Variants in RXFP2 observed in about 807,000 individuals in gnomAD.
RXFP2 encodes the protein relaxin receptor 2.
A neutral mutation model predicts 88.6 loss-of-function variants in RXFP2; 68 were observed. That is an observed-to-expected ratio of 0.77 (90% CI 0.63 to 0.94). RXFP2 has a LOEUF of 0.94. Among genes scored for constraint, RXFP2 ranks in the 40% least tolerant of loss-of-function variants. The pLI is 0.00. For synonymous variants in RXFP2, 329 were observed against 306.8 expected, an observed-to-expected ratio of 1.07 and a Z score of -0.76; for missense variants, 791 against 893.9, an observed-to-expected ratio of 0.88 and a Z score of 1.47.
chr13:31,757,599 A>G (rs1232467996), intron 1 of RXFP2, among the ~76,000 whole-genome samples: 1 of 152,220 alleles, frequency 6.6e-6, no homozygotes, highest in African/African-American at 2.4e-5. Context: ...AAGATTAATA[A>G]GTAAATACAT....
intron 2 of RXFP2, 29 bp downstream of exon 2, chr13:31,758,433 T>C: frequency 6.2e-7 from 1 of 1,613,456 alleles, no homozygotes; most frequent in East Asian, 2.2e-5. Context: ...TCCCCATGTG[T>C]GCCTCACTTT....
In RXFP2 at chr13:31,782,671, T is replaced by C. The variant is rs1245731644; in HGVS notation, c.858-5T>C. 1 of 1,608,784 alleles carries C rather than the reference T, an allele frequency of 6.2e-7. No individual in the cohort carries two copies. ...CCACATGCTGATTCTCGCCATGTCT[T>C]ACAGGTTTCTGCCTAGAAATCAAAT... On this transcript the variant is annotated splice_polypyrimidine_tract_variant and splice_region_variant and intron_variant, in intron 10 of 17. Transcript: ENST00000298386.
At chr13:31,797,034 A>T (rs1442971435) in intron 16 of RXFP2, among the ~76,000 whole-genome samples, 167 bp from the exon 17 acceptor site, 1 of 152,246 alleles carries the variant, frequency 6.6e-6, no homozygotes, top group Non-Finnish European at 1.5e-5. Flanking sequence ...TAGACTTGGG[A>T]ACCATTTCCA....
chr13:31,783,348 T>C (rs1450545465), intron 11 of RXFP2, among the ~76,000 whole-genome samples: 4 of 152,198 alleles, frequency 2.6e-5, no homozygotes, highest in Non-Finnish European at 4.4e-5. Flanking sequence ...CCCCACATAA[T>C]TGTGTATCAG....
chr13:31,744,871 T>C (rs1372256163), intron 1 of RXFP2, among the ~76,000 whole-genome samples: 1 of 152,162 alleles, frequency 6.6e-6, no homozygotes, highest in East Asian at 1.9e-4. Context: ...TTTAAAATAG[T>C]CTTTAAAGCT....
At chr13:31,774,329 T>G (rs905790043) in intron 5 of RXFP2, among the ~76,000 whole-genome samples, 38 of 152,292 alleles carry the variant, frequency 2.5e-4, no homozygotes, top group South Asian at 2.1e-3. Context: ...AACAGGACGG[T>G]CACCATAGTG....
At chr13:31,776,199 TTC>T (rs1872968083) in intron 7 of RXFP2, among the ~76,000 whole-genome samples, 1 of 150,096 alleles carries the variant, frequency 6.7e-6, no homozygotes, top group African/African-American at 2.4e-5. Context: ...TCTTTCTTTT[TTC>T]TTTCTTTCTT....
intron 5 of RXFP2, among the ~76,000 whole-genome samples, chr13:31,770,052 T>A (rs1872680834): frequency 6.6e-6 from 1 of 152,214 alleles, no homozygotes; most frequent in Non-Finnish European, 1.5e-5. Flanking sequence ...CATAAAAAAT[T>A]ATAAAACTGC....
intron 15 of RXFP2, 117 bp downstream of exon 15, chr13:31,792,152 G>T (rs1407213422): frequency 1.3e-6 from 1 of 781,108 alleles, no homozygotes; most frequent in East Asian, 2.7e-5. Context: ...TATACATCCT[G>T]GGCACATTTT....
chr13:31,796,721 T>C (rs941370360), intron 16 of RXFP2, among the ~76,000 whole-genome samples: 5 of 152,236 alleles, frequency 3.3e-5, no homozygotes, highest in Admixed American at 2.6e-4. Context: ...CTAACACCAC[T>C]GGGCTTATAT....
At chr13:31,782,181 T>C (rs1426292412) in intron 10 of RXFP2, among the ~76,000 whole-genome samples, 1 of 152,232 alleles carries the variant, frequency 6.6e-6, no homozygotes, top group African/African-American at 2.4e-5. Context: ...TGCATTCTGA[T>C]TGGCCAAAGA....
chr13:31,747,615 G>C (rs1252562531), intron 1 of RXFP2, among the ~76,000 whole-genome samples: 2 of 152,136 alleles, frequency 1.3e-5, no homozygotes, highest in African/African-American at 4.8e-5. Flanking sequence ...ATTAAGTTCA[G>C]ACAACAATTT....
chr13:31,772,416 A>T (rs1485083124), intron 5 of RXFP2, among the ~76,000 whole-genome samples: 1 of 152,212 alleles, frequency 6.6e-6, no homozygotes, highest in Non-Finnish European at 1.5e-5. Context: ...TTTCTGCTTG[A>T]AAAGTCCTGA....
chr13:31,797,590 C>T (rs114763436), intron 17 of RXFP2, among the ~76,000 whole-genome samples, 171 bp downstream of exon 17: 122 of 152,290 alleles, frequency 8.0e-4, no homozygotes, highest in African/African-American at 2.6e-3. Flanking sequence ...AGTAGTGGTG[C>T]AATCCAACCA....
intron 11 of RXFP2, among the ~76,000 whole-genome samples, chr13:31,783,983 A>ATTTT (rs10686799): frequency 0.13 from 15,431 of 121,416 alleles, 1,215 homozygotes; most frequent in East Asian, 0.24. Context: ...TGCCTGGCTA[A>ATTTT]TTTTTTTTTT....
intron 7 of RXFP2, among the ~76,000 whole-genome samples, chr13:31,776,445 T>C (rs9549057): frequency 0.14 from 21,872 of 151,258 alleles, 1,562 homozygotes; most frequent in Middle Eastern, 0.19. Flanking sequence ...TTAGTAGAAA[T>C]GGGGTGGGTC....
chr13:31,765,314 C>T (rs1309567426), intron 4 of RXFP2, among the ~76,000 whole-genome samples, 172 bp downstream of exon 4: 2 of 152,202 alleles, frequency 1.3e-5, no homozygotes, highest in African/African-American at 2.4e-5. Context: ...ATGGTTTACA[C>T]ACTGTATGTT....
chr13:31,748,791 C>A (rs1212336278), intron 1 of RXFP2, among the ~76,000 whole-genome samples: 6 of 152,080 alleles, frequency 3.9e-5, no homozygotes, highest in African/African-American at 1.4e-4. Flanking sequence ...TCGAGACCTA[C>A]CTGGCCAACA....
chr13:31,801,391 A>G (rs918912743), intron 17 of RXFP2, among the ~76,000 whole-genome samples: 8 of 151,974 alleles, frequency 5.3e-5, no homozygotes. Context: ...TAACAGAGAG[A>G]GCAGATGAAG....
Sources: gnomAD v4.1 joint callset for allele counts (sites outside exome capture counted in the v4.1 genomes callset) on GRCh38, gnomAD v4.1.1 for gene constraint, MANE v1.5 for transcripts, NCBI Gene and HGNC (gene_info 2026-07-23, HGNC 2026-07-21) for gene names.